The following CDH3 variants were observed in gnomAD, a reference collection of about 807,000 sequenced individuals.
The protein encoded by CDH3 is cadherin-3.
A neutral mutation model predicts 82.0 loss-of-function variants in CDH3; 54 were observed. The ratio of observed to expected loss-of-function variants is 0.66; its 90% CI spans 0.53 to 0.83. The LOEUF is 0.83. CDH3 is among the 40% of genes least tolerant of loss of function. CDH3 has a pLI of 0.00. For synonymous variants in CDH3, 446 were observed against 437.9 expected (o/e 1.02, Z -0.23); for missense variants, 1,054 against 1,084.6 (o/e 0.97, Z 0.40).
chr16:68,715,416 G>C (rs564741112), intron 1 of CDH3, among the ~76,000 whole-genome samples: 1 of 90,546 alleles, frequency 1.1e-5, no homozygotes, highest in African/African-American at 3.6e-5. Flanking sequence ...GACAGAGCAC[G>C]ACTCTCAAAA....
At chr16:68,692,009 T>TA in intron 13 of CDH3, 83 bp downstream of exon 13, 2 of 1,112,240 alleles carry the variant, frequency 1.8e-6, no homozygotes. Context: ...CTCCTGGAAC[T>TA]AAGAGGCCAC....
Position 68,691,906 on chromosome 16 carries a change from G to A in CDH3, c.1982G>A (p.Gly661Glu), listed in dbSNP as rs769526013. The A allele has an allele frequency of 6.2e-7, 1 of 1,613,346 alleles. No individual in the cohort carries two copies. Among genetic ancestry groups the A allele is most frequent in the South Asian group, 1.1e-5 (1 of 91,042 alleles). The change falls in exon 13 of 16, where the codon GGG becomes GAG. Residue 661 changes from glycine (G) to glutamate (E), a missense_variant. Coordinates refer to ENST00000264012, the MANE Select transcript of CDH3 (RefSeq NM_001793.6). ...GGAGGTTTCATCCTCCCTGTGCTGGGGGCTGTCCTGGCTCTGCTGTGTGAG... is the reference window on the plus strand; with the variant it reads ...GGAGGTTTCATCCTCCCTGTGCTGGAGGCTGTCCTGGCTCTGCTGTGTGAG... ...WKGGFILPVL[G>E]AVLALLFLLL...
intron 2 of CDH3, among the ~76,000 whole-genome samples, chr16:68,724,678 T>C (rs1364989096): frequency 6.6e-6 from 1 of 151,914 alleles, no homozygotes; most frequent in African/African-American, 2.4e-5. Context: ...CACACTACGT[T>C]GTCTGGCCAC....
At chr16:68,671,210 C>CA (rs1290080301) in intron 2 of CDH3, among the ~76,000 whole-genome samples, 2 of 148,460 alleles carry the variant, frequency 1.3e-5, no homozygotes, top group Non-Finnish European at 3.0e-5. Context: ...AGGCTGGACT[C>CA]AAACTCCTGG....
At chr16:68,668,537 T>A (rs1455766720) in intron 2 of CDH3, among the ~76,000 whole-genome samples, 1 of 152,206 alleles carries the variant, frequency 6.6e-6, no homozygotes, top group Non-Finnish European at 1.5e-5. Context: ...AGAAGACTAC[T>A]CATGTTCCTA....
chr16:68,650,298 A>AT (rs1227955847), intron 2 of CDH3, among the ~76,000 whole-genome samples: 1 of 151,824 alleles, frequency 6.6e-6, no homozygotes, highest in Non-Finnish European at 1.5e-5. Flanking sequence ...TTGGGGAAAA[A>AT]ATATATATAT....
intron 2 of CDH3, among the ~76,000 whole-genome samples, chr16:68,646,837 T>C (rs1213142710): frequency 6.6e-6 from 1 of 152,060 alleles, no homozygotes; most frequent in Non-Finnish European, 1.5e-5. Context: ...TCTTCTAAAG[T>C]CTCCATCAAC....
intron 1 of CDH3, among the ~76,000 whole-genome samples, chr16:68,706,612 G>A (rs866330977): frequency 6.9e-6 from 1 of 145,418 alleles, no homozygotes; most frequent in Non-Finnish European, 1.5e-5. Context: ...GAGTGCAGTG[G>A]TGTAATCTTG....
At chr16:68,727,996 C>A (rs540243080), downstream of CDH3, among the ~76,000 whole-genome samples, 1 of 152,102 alleles carries the variant, frequency 6.6e-6, no homozygotes, top group Non-Finnish European at 1.5e-5. Context: ...TGAGACAAGG[C>A]GTACTATAGT....
chr16:68,719,492 T>C (rs1597830589), intron 1 of CDH3, among the ~76,000 whole-genome samples: 1 of 137,906 alleles, frequency 7.3e-6, no homozygotes, highest in Non-Finnish European at 1.6e-5. Context: ...TTTGGCATGA[T>C]GGAACTGTTC....
At chr16:68,646,284 G>C (rs1960060090) in intron 2 of CDH3, 1 of 156,948 alleles carries the variant, frequency 6.4e-6, no homozygotes, top group Non-Finnish European at 1.4e-5. Context: ...TCTTCCCGGA[G>C]GGCCTGCGCC....
At position 68,684,613 on chromosome 16, in the gene CDH3, A is replaced by G; in HGVS notation, c.1213A>G (p.Thr405Ala). ...GGATTTTGAGGCCAAAAACCAGCAC[A>G]CCCTGTACGTTGAAGTGACCAACGA... Reference protein sequence around the residue: ...GLDFEAKNQHTLYVEVTNEAP... With the variant: ...GLDFEAKNQHALYVEVTNEAP... The change falls in exon 10 of 16, where the codon ACC (threonine) becomes GCC (alanine). Residue 405 changes from threonine to alanine, a missense_variant. By Grantham distance (58) the Thr-to-Ala change is moderately conservative. Transcript: ENST00000264012. 6.2e-7 allele frequency: 1 copy of G among 1,614,160 alleles called. No homozygotes were observed. Among genetic ancestry groups the G allele is most frequent in the Non-Finnish European group, 8.5e-7 (1 of 1,180,036 alleles).
the CDH3 span, among the ~76,000 whole-genome samples, chr16:68,733,249 G>C: frequency 1.3e-5 from 2 of 152,156 alleles, no homozygotes; most frequent in Non-Finnish European, 2.9e-5. Flanking sequence ...CTCCAGAGTA[G>C]CTGGGACTAC....
rs372364902 is a variant in CDH3 at position 68,698,160 on chromosome 16, G to A, written c.2281-31G>A. The A allele has an allele frequency of 2.5e-5, 40 of 1,609,826 alleles. No homozygotes were observed. The African/African-American group carries it at 2.8e-4, about 11-fold the overall frequency. ...CAGCTGGCAAGAGGCAGGACCCGCC[G>A]CTCCTAACTACCTGTTCTCTGTTGC... On this transcript the variant is annotated intron_variant, in intron 15 of 15. Transcript: ENST00000264012.
chr16:68,718,015 TGTTGCCCAGGCTGGA>T (rs111603523), intron 1 of CDH3, among the ~76,000 whole-genome samples: 483 of 152,190 alleles, frequency 3.2e-3, no homozygotes, highest in South Asian at 6.9e-3. Flanking sequence ...AGTCTCATTC[TGTTGCCCAGGCTGGA>T]GTTGCCCAGG....
chr16:68,714,586 CTT>C (rs1285602666), intron 1 of CDH3, among the ~76,000 whole-genome samples: 2 of 152,200 alleles, frequency 1.3e-5, no homozygotes, highest in Non-Finnish European at 2.9e-5. Flanking sequence ...GTAATTGTCT[CTT>C]TACCTGTCCA....
At chr16:68,677,853 T>A (rs1324024468) in intron 3 of CDH3, among the ~76,000 whole-genome samples, 2 of 152,224 alleles carry the variant, frequency 1.3e-5, no homozygotes, top group South Asian at 4.1e-4. Flanking sequence ...GTAGTATATT[T>A]CACTGGTCCT....
chr16:68,732,675 C>T, the CDH3 span, among the ~76,000 whole-genome samples: 1 of 152,128 alleles, frequency 6.6e-6, no homozygotes, highest in African/African-American at 2.4e-5. Flanking sequence ...TGGGTTTTCC[C>T]CAGTTGAGAT....
At chr16:68,662,610 C>T (rs973183328) in intron 2 of CDH3, among the ~76,000 whole-genome samples, 7 of 142,962 alleles carry the variant, frequency 4.9e-5, no homozygotes, top group African/African-American at 1.3e-4. Context: ...TGCGGTGGCA[C>T]GATCTCACTG....
Sources: gnomAD v4.1 joint callset for allele counts (sites outside exome capture counted in the v4.1 genomes callset) on GRCh38, gnomAD v4.1.1 for gene constraint, MANE v1.5 for transcripts, NCBI Gene and HGNC (gene_info 2026-07-23, HGNC 2026-07-21) for gene names.